The following CYP19A1 variants were observed in gnomAD, a reference collection of about 807,000 sequenced individuals.
CYP19A1 encodes the protein aromatase.
Under a neutral mutation model 44.4 loss-of-function variants are expected in CYP19A1, and 32 were observed. That is an observed-to-expected ratio of 0.72 (90% CI 0.54 to 0.97). The LOEUF is 0.97. Ranked by LOEUF, CYP19A1 falls within the 50% of genes least tolerant of loss-of-function variation. The pLI is 0.00. For missense variants in CYP19A1, 598 were observed against 637.8 expected (o/e 0.94, Z 0.67); for synonymous variants, 212 against 215.6 (o/e 0.98, Z 0.14).
chr15:51,255,713 G>A (rs549077061), intron 1 of CYP19A1: 21 of 152,366 alleles, frequency 1.4e-4, no homozygotes, highest in African/African-American at 5.0e-4. Flanking sequence ...GCGGTCCTGA[G>A]AAATCAGCAG....
rs74965445 is a variant in CYP19A1 at position 51,239,579 on chromosome 15, A to G, written c.146-2570T>C. On this transcript the variant is annotated intron_variant, in intron 2 of 9. Transcript: ENST00000396402. ...ATGAATTGACTGCTAAAACCTTTAA[A>G]ACAAGGCAAAATTAACCTGTATTCT... Among the ~76,000 whole-genome samples the G allele has an allele frequency of 4.5e-3, 684 of 152,330 alleles. 17 individuals carry two copies. The East Asian group carries it at 0.07, about 16-fold the overall frequency.
At chr15:51,313,448 A>G (rs946199767) in intron 1 of CYP19A1, among the ~76,000 whole-genome samples, 1 of 152,192 alleles carries the variant, frequency 6.6e-6, no homozygotes, top group Non-Finnish European at 1.5e-5. Flanking sequence ...CTGAGAAAAT[A>G]GAGAGGTAGC....
intron 1 of CYP19A1, among the ~76,000 whole-genome samples, chr15:51,311,063 A>G (rs1445598524): frequency 6.6e-6 from 1 of 152,210 alleles, no homozygotes; most frequent in Non-Finnish European, 1.5e-5. Flanking sequence ...GTCTCATAGT[A>G]TACTATATGA....
intron 6 of CYP19A1, among the ~76,000 whole-genome samples, chr15:51,217,422 A>G (rs1038795258): frequency 6.6e-6 from 1 of 152,232 alleles, no homozygotes; most frequent in Admixed American, 6.5e-5. Flanking sequence ...TCTTTTATCT[A>G]TTAGTTTTCA....
intron 2 of CYP19A1, among the ~76,000 whole-genome samples, chr15:51,238,581 C>T (rs1457621763): frequency 2.0e-5 from 3 of 152,130 alleles, no homozygotes; most frequent in African/African-American, 7.2e-5. Context: ...CTCCACCTCC[C>T]GGGTTCAAGC....
intron 1 of CYP19A1, among the ~76,000 whole-genome samples, chr15:51,304,823 T>C (rs890276921): frequency 1.3e-5 from 2 of 151,198 alleles, no homozygotes; most frequent in Non-Finnish European, 2.9e-5. Context: ...CCCTACAAGG[T>C]GAGCTTTAAA....
At chr15:51,247,835 T>C (rs1245646105) in intron 1 of CYP19A1, among the ~76,000 whole-genome samples, 2 of 152,176 alleles carry the variant, frequency 1.3e-5, no homozygotes, top group African/African-American at 4.8e-5. Context: ...AGCCTAACCA[T>C]ATCCAGTCAC....
At chr15:51,268,519 T>TC (rs34270729) in intron 1 of CYP19A1, among the ~76,000 whole-genome samples, 26,568 of 136,472 alleles carry the variant, frequency 0.19, 3,136 homozygotes, top group Non-Finnish European at 0.25. Context: ...ATCGTTTCCT[T>TC]CCCCCCCCCC....
At chr15:51,285,819 A>T (rs1167744179) in intron 1 of CYP19A1, among the ~76,000 whole-genome samples, 1 of 152,192 alleles carries the variant, frequency 6.6e-6, no homozygotes, top group Non-Finnish European at 1.5e-5. Context: ...TACTTGCGTT[A>T]GCCCACTTGA....
intron 1 of CYP19A1, among the ~76,000 whole-genome samples, chr15:51,310,047 G>T (rs1480233485): frequency 1.3e-5 from 2 of 152,148 alleles, no homozygotes; most frequent in African/African-American, 4.8e-5. Context: ...GGGAATATAG[G>T]ATTCCCAAAT....
chr15:51,212,204 A>G, intron 9 of CYP19A1, 116 bp downstream of exon 9: 1 of 820,086 alleles, frequency 1.2e-6, no homozygotes, highest in East Asian at 2.4e-5. Flanking sequence ...GTGAGGTGGC[A>G]GAGGGAATGA....
In CYP19A1 at chr15:51,257,327, A is replaced by G. The variant is rs530959214; in HGVS notation, c.-38-14377T>C. ...GTAACCAAGTGTAAACCTTGTGGTCATGGCCCCAATTCGCTACACTTCTGG... is the reference window on the plus strand; with the variant it reads ...GTAACCAAGTGTAAACCTTGTGGTCGTGGCCCCAATTCGCTACACTTCTGG... On this transcript the variant is annotated intron_variant, in intron 1 of 9. Transcript: ENST00000396402. Among the ~76,000 whole-genome samples the G allele has an allele frequency of 3.3e-5, 5 of 152,358 alleles. No homozygotes were observed. The South Asian group carries it at 1.0e-3, about 32-fold the overall frequency.
intron 1 of CYP19A1, among the ~76,000 whole-genome samples, chr15:51,256,065 A>G (rs1195812700): frequency 6.6e-6 from 1 of 152,224 alleles, no homozygotes; most frequent in Non-Finnish European, 1.5e-5. Flanking sequence ...TCCACCAACA[A>G]ATGCTTAATG....
intron 1 of CYP19A1, among the ~76,000 whole-genome samples, chr15:51,296,374 G>A (rs1887436819): frequency 6.6e-6 from 1 of 152,120 alleles, no homozygotes; most frequent in Admixed American, 6.5e-5. Flanking sequence ...GTGGCAGGTG[G>A]GGGCATGACA....
intron 1 of CYP19A1, among the ~76,000 whole-genome samples, chr15:51,328,716 T>C (rs946194268): frequency 1.3e-5 from 2 of 152,180 alleles, no homozygotes; most frequent in Admixed American, 6.5e-5. Context: ...AGATATTTGG[T>C]CAAACATTTT....
intron 1 of CYP19A1, among the ~76,000 whole-genome samples, chr15:51,256,502 G>A (rs1338708613): frequency 6.6e-6 from 1 of 152,116 alleles, no homozygotes; most frequent in Non-Finnish European, 1.5e-5. Flanking sequence ...TGGGAGTGGG[G>A]GTCCTGCACA....
intron 1 of CYP19A1, among the ~76,000 whole-genome samples, chr15:51,265,964 T>C (rs1217251377): frequency 6.6e-6 from 1 of 152,208 alleles, no homozygotes; most frequent in Non-Finnish European, 1.5e-5. Flanking sequence ...TCTGGATAAA[T>C]CTAGTGATAG....
At chr15:51,304,068 G>A (rs966670165) in intron 1 of CYP19A1, among the ~76,000 whole-genome samples, 1 of 152,188 alleles carries the variant, frequency 6.6e-6, no homozygotes, top group East Asian at 1.9e-4. Context: ...AAAAATAGAC[G>A]ATCAGGGAGG....
At chr15:51,315,942 A>G (rs1051750710) in intron 1 of CYP19A1, 33 of 152,238 alleles carry the variant, frequency 2.2e-4, no homozygotes, top group African/African-American at 7.7e-4. Flanking sequence ...ACGCAGGGTT[A>G]GGAGATGCAC....
Sources: allele counts gnomAD v4.1 joint callset (sites outside exome capture counted in the v4.1 genomes callset), GRCh38; gene constraint gnomAD v4.1.1; transcripts MANE v1.5; gene names NCBI Gene and HGNC (gene_info 2026-07-23, HGNC 2026-07-21).